DNAJC5: variants seen among roughly 807,000 people sequenced by gnomAD.
DNAJC5 encodes dnaJ homolog subfamily C member 5.
DNAJC5 carries 1 observed loss-of-function variant against 23.2 expected under a neutral mutation model. The ratio of observed to expected loss-of-function variants is 0.04; its 90% confidence interval spans 0.02 to 0.20. The LOEUF (loss-of-function observed/expected upper bound fraction) is 0.20, where lower values mean the gene tolerates loss of function less well. Ranked by LOEUF, DNAJC5 falls within the 10% of genes least tolerant of loss-of-function variation. The pLI is 1.00. For synonymous variants in DNAJC5, 136 were observed against 120.0 expected, an observed-to-expected ratio of 1.13 and a Z score of -0.87; for missense variants, 180 against 267.0, an observed-to-expected ratio of 0.67 and a Z score of 2.27.
chr20:63,915,553 G>A (rs1341668028), intron 1 of DNAJC5, among the ~76,000 whole-genome samples: 2 of 152,166 alleles, frequency 1.3e-5, no homozygotes, highest in African/African-American at 2.4e-5. Context: ...TGTCCACTGG[G>A]CACCACAGAC....
chr20:63,899,294 CTGAAGAGGA>C (rs1184982304), intron 1 of DNAJC5, among the ~76,000 whole-genome samples: 1 of 152,130 alleles, frequency 6.6e-6, no homozygotes, highest in East Asian at 1.9e-4. Context: ...AATGACATCC[CTGAAGAGGA>C]TTAGCAGCTA....
intron 1 of DNAJC5, among the ~76,000 whole-genome samples, chr20:63,897,958 G>A (rs1400618440): frequency 6.6e-6 from 1 of 152,194 alleles, no homozygotes; most frequent in East Asian, 1.9e-4. Flanking sequence ...TTGAACAGAC[G>A]CTGCACGTTT....
At chr20:63,915,909 C>G (rs976455790) in intron 1 of DNAJC5, among the ~76,000 whole-genome samples, 1 of 152,182 alleles carries the variant, frequency 6.6e-6, no homozygotes, top group Admixed American at 6.5e-5. Flanking sequence ...AAGGAAATCA[C>G]AGAACATAAA....
chr20:63,929,253 C>A lies in DNAJC5; in HGVS notation c.108-59C>A, dbSNP rs867367691. The stretch of plus-strand genomic sequence containing the variant: ...GTGCGTGCGGGTGGGATGGACGCGG[C>A]GGCGGGTGCGGGTGGAACAAAGTCC... On this transcript the variant is annotated intron_variant, in intron 2 of 4. Coordinates refer to ENST00000360864, the MANE Select transcript of DNAJC5 (RefSeq NM_025219.3). This position sits in a 1 kb window ranked among gnomAD's most constrained non-coding sequence, Gnocchi z 8.6. 1.2e-5 allele frequency: 19 copies of A among 1,559,886 alleles called. No individual in the cohort carries two copies. The highest frequency in any genetic ancestry group is 1.5e-5 in the Non-Finnish European group (17 of 1,150,062).
At chr20:63,921,782 A>G (rs2053575243) in intron 1 of DNAJC5, among the ~76,000 whole-genome samples, 1 of 151,796 alleles carries the variant, frequency 6.6e-6, no homozygotes. Flanking sequence ...GATCCCCTTG[A>G]AAGTTTTTTT....
intron 1 of DNAJC5, among the ~76,000 whole-genome samples, chr20:63,900,654 CAATTTAACTTT>C: frequency 6.6e-6 from 1 of 150,718 alleles, no homozygotes; most frequent in Non-Finnish European, 1.5e-5. Context: ...GCATATGCCA[CAATTTAACTTT>C]GTTGCAACAT....
intron 1 of DNAJC5, among the ~76,000 whole-genome samples, chr20:63,913,007 T>A (rs2053491403): frequency 6.6e-6 from 1 of 151,420 alleles, no homozygotes; most frequent in Admixed American, 6.7e-5. Flanking sequence ...TTTGTATTTT[T>A]AGCAATTTTT....
intron 1 of DNAJC5, among the ~76,000 whole-genome samples, chr20:63,896,945 G>C (rs1295262817): frequency 6.6e-6 from 1 of 152,144 alleles, no homozygotes; most frequent in African/African-American, 2.4e-5. Flanking sequence ...AGGGTTCCTG[G>C]AGTGTTGGCC....
chr20:63,927,524 G>A (rs767093265), intron 1 of DNAJC5, among the ~76,000 whole-genome samples: 10 of 150,876 alleles, frequency 6.6e-5, no homozygotes, highest in Non-Finnish European at 1.3e-4. Flanking sequence ...TGGGCAACAA[G>A]AGCAAAACTG....
In DNAJC5 at chr20:63,935,460, G is replaced by A. The variant is rs1600893481; in HGVS notation, c.*3892G>A. 1 of 152,506 alleles carries A rather than the reference G, an allele frequency of 6.6e-6. No individual in the cohort carries two copies. Among genetic ancestry groups the A allele is most frequent in the South Asian group, 2.1e-4 (1 of 4,832 alleles). 9.4% of individuals were successfully genotyped at this position (152,506 alleles called of 1,614,324 possible). On this transcript the variant is annotated 3_prime_UTR_variant, in exon 5 of 5. Transcript: ENST00000360864. ...GCAGGGTGGGGTGCCCATCCTGGGG[G>A]CTGTGTGTCATGCTCACCTGACCCA... is the stretch of plus-strand genomic sequence containing the variant.
intron 1 of DNAJC5, among the ~76,000 whole-genome samples, chr20:63,917,812 C>G (rs552833532): frequency 3.9e-5 from 6 of 152,218 alleles, no homozygotes; most frequent in Non-Finnish European, 7.3e-5. Context: ...CCACCTTGGC[C>G]TCCCAAAGTT....
In DNAJC5 at chr20:63,928,567, G is replaced by A. The variant is rs114760990; in HGVS notation, c.107+115G>A. 1,627 of 843,268 alleles carry A rather than the reference G, an allele frequency of 1.9e-3. 11 individuals are homozygous for A. The African/African-American group carries it at 0.023, about 12-fold the overall frequency. 52.2% of individuals were successfully genotyped at this position (843,268 alleles called of 1,614,324 possible). ...CATACTTTATCCTGGCCGACTCAGCGTTGAACTGGTCACAGCTCGGTAACA... is the reference window on the plus strand; with the variant it reads ...CATACTTTATCCTGGCCGACTCAGCATTGAACTGGTCACAGCTCGGTAACA... On this transcript the variant is annotated intron_variant, in intron 2 of 4. Coordinates refer to ENST00000360864, the MANE Select transcript of DNAJC5 (RefSeq NM_025219.3). The surrounding 1 kb of genome is among the most constrained non-coding windows in gnomAD (Gnocchi z 4.6).
At chr20:63,905,821 G>A (rs980423189) in intron 1 of DNAJC5, among the ~76,000 whole-genome samples, 8 of 151,176 alleles carry the variant, frequency 5.3e-5, no homozygotes, top group East Asian at 2.0e-4. Flanking sequence ...TGCAACCTCC[G>A]CCTCCTGGGT....
chr20:63,901,182 C>T (rs1272921809), intron 1 of DNAJC5, among the ~76,000 whole-genome samples: 5 of 152,210 alleles, frequency 3.3e-5, no homozygotes, highest in African/African-American at 4.8e-5. Context: ...CCAGGCTGGT[C>T]TCAAACTCCT....
At chr20:63,909,555 G>A (rs532418655) in intron 1 of DNAJC5, among the ~76,000 whole-genome samples, 1 of 150,330 alleles carries the variant, frequency 6.7e-6, no homozygotes, top group African/African-American at 2.5e-5. Flanking sequence ...AGTGATGCGT[G>A]CCGTAGTCCC....
chr20:63,895,667 C>G (rs2053370173), intron 1 of DNAJC5, among the ~76,000 whole-genome samples: 3 of 152,038 alleles, frequency 2.0e-5, no homozygotes, highest in African/African-American at 7.2e-5. Context: ...CCCCAACCCC[C>G]CGGGGTCTCC....
intron 3 of DNAJC5, 62 bp from the exon 4 acceptor site, chr20:63,930,789 T>C (rs2053662485): frequency 6.2e-7 from 1 of 1,607,978 alleles, no homozygotes; most frequent in African/African-American, 1.3e-5. Flanking sequence ...CATTTGGGAG[T>C]CCTGCGCCTC....
chr20:63,901,027 C>T (rs777182021), intron 1 of DNAJC5, among the ~76,000 whole-genome samples: 22 of 152,160 alleles, frequency 1.4e-4, no homozygotes, highest in Non-Finnish European at 2.8e-4. Context: ...TGCAGTGGCA[C>T]GATCGTGTCT....
chr20:63,913,226 G>A (rs1050650559), intron 1 of DNAJC5, among the ~76,000 whole-genome samples: 4 of 151,920 alleles, frequency 2.6e-5, no homozygotes, highest in Admixed American at 1.3e-4. Context: ...TAGTTCCTCC[G>A]TGTTTCCTTT....
Sources: gnomAD v4.1 joint callset for allele counts (sites outside exome capture counted in the v4.1 genomes callset) on GRCh38, gnomAD v4.1.1 for gene constraint, Gnocchi (gnomAD v3.1) non-coding constraint, MANE v1.5 for transcripts, NCBI Gene and HGNC (gene_info 2026-07-23, HGNC 2026-07-21) for gene names.